SLC44A5: variants seen among roughly 807,000 people sequenced by gnomAD.
SLC44A5 encodes choline transporter-like protein 5.
Under a neutral mutation model 101.8 loss-of-function variants are expected in SLC44A5, and 57 were observed. The ratio of observed to expected loss-of-function variants is 0.56; its 90% CI spans 0.45 to 0.70. The LOEUF (loss-of-function observed/expected upper bound fraction) is 0.70. Among genes scored for constraint, SLC44A5 ranks in the 30% least tolerant of loss-of-function variants. SLC44A5 has a pLI of 0.00. For missense variants in SLC44A5, 737 were observed against 853.1 expected, an observed-to-expected ratio of 0.86 and a Z score of 1.70; for synonymous variants, 281 against 290.9, an observed-to-expected ratio of 0.97 and a Z score of 0.35.
intron 2 of SLC44A5, among the ~76,000 whole-genome samples, chr1:75,406,526 C>T (rs112371953): frequency 0.026 from 3,937 of 152,276 alleles, 147 homozygotes; most frequent in African/African-American, 0.08. Context: ...ATCAAGTCGG[C>T]TTTATCCCTG....
rs183335192 is a variant in SLC44A5, at chr1:75,236,242, C to T, written c.740+745G>A. On this transcript the variant is annotated intron_variant, in intron 11 of 23. Coordinates refer to ENST00000370859, the MANE Select transcript of SLC44A5 (RefSeq NM_001130058.2). ...CTAAATTGGGCTAGGTTTTAAAGGGCCTTAGAAGTAACTGAAAAAGTTTTA... is the reference window on the plus strand; with the variant it reads ...CTAAATTGGGCTAGGTTTTAAAGGGTCTTAGAAGTAACTGAAAAAGTTTTA... 2.8e-3 allele frequency among the ~76,000 whole-genome samples: 428 copies of T among 151,954 alleles called. 2 individuals are homozygous for T. Among genetic ancestry groups the T allele is most frequent in the African/African-American group, 9.4e-3 (391 of 41,500 alleles).
At chr1:75,528,257 G>T (rs1477494498) in intron 2 of SLC44A5, among the ~76,000 whole-genome samples, 1 of 151,952 alleles carries the variant, frequency 6.6e-6, no homozygotes, top group Non-Finnish European at 1.5e-5. Context: ...ATTTGAAAAA[G>T]AAACCAAAGT....
chr1:75,233,024 C>T (rs529943124), intron 12 of SLC44A5, among the ~76,000 whole-genome samples: 2 of 152,208 alleles, frequency 1.3e-5, no homozygotes, highest in Admixed American at 6.5e-5. Context: ...TAAATAGAAA[C>T]ATCTCAAACA....
chr1:75,210,605 C>T (rs1388855141), intron 23 of SLC44A5, among the ~76,000 whole-genome samples: 1 of 152,068 alleles, frequency 6.6e-6, no homozygotes, highest in Non-Finnish European at 1.5e-5. Context: ...TTTATAAATC[C>T]TCTCCTCAAA....
At chr1:75,679,303 G>A in the SLC44A5 span, among the ~76,000 whole-genome samples, 1 of 151,990 alleles carries the variant, frequency 6.6e-6, no homozygotes, top group African/African-American at 2.4e-5. Context: ...TCCAAGACAT[G>A]CAATTGTCAG....
intron 4 of SLC44A5, among the ~76,000 whole-genome samples, chr1:75,338,666 A>T (rs745324995): frequency 6.6e-6 from 1 of 152,218 alleles, no homozygotes; most frequent in Non-Finnish European, 1.5e-5. Flanking sequence ...CCTTTATTCT[A>T]AGTATACCTT....
chr1:75,425,305 T>C (rs137941143), intron 2 of SLC44A5, among the ~76,000 whole-genome samples: 1 of 152,348 alleles, frequency 6.6e-6, no homozygotes. Flanking sequence ...AAGCATTGGG[T>C]GGTTGATTAA....
chr1:75,553,536 C>G (rs931334978), intron 1 of SLC44A5, among the ~76,000 whole-genome samples: 1 of 152,140 alleles, frequency 6.6e-6, no homozygotes, highest in Admixed American at 6.6e-5. Flanking sequence ...CTGGGTTCCC[C>G]AGAATACCAA....
chr1:75,690,847 G>C, the SLC44A5 span, among the ~76,000 whole-genome samples: 2 of 152,154 alleles, frequency 1.3e-5, no homozygotes, highest in African/African-American at 4.8e-5. Context: ...AAAGCCATAG[G>C]CCAGTTGCAA....
chr1:75,283,439 C>T (rs1652783901), intron 5 of SLC44A5, among the ~76,000 whole-genome samples: 1 of 152,064 alleles, frequency 6.6e-6, no homozygotes, highest in African/African-American at 2.4e-5. Flanking sequence ...GTTTCTCCAA[C>T]TCTGTGTGTT....
the SLC44A5 span, among the ~76,000 whole-genome samples, chr1:75,636,496 A>G: frequency 6.6e-6 from 1 of 152,086 alleles, no homozygotes; most frequent in Non-Finnish European, 1.5e-5. Context: ...TAAACCCAAA[A>G]TCCTGATTTA....
chr1:75,722,249 T>C, the SLC44A5 span, among the ~76,000 whole-genome samples: 1 of 152,150 alleles, frequency 6.6e-6, no homozygotes, highest in Non-Finnish European at 1.5e-5. Context: ...GAGTCCTCAG[T>C]GTAAAAAGTG....
At chr1:75,536,736 G>A (rs936788403) in intron 2 of SLC44A5, among the ~76,000 whole-genome samples, 5 of 148,682 alleles carry the variant, frequency 3.4e-5, no homozygotes, top group African/African-American at 9.8e-5. Context: ...GCCGGGCGCG[G>A]TGGCTCACGC....
intron 6 of SLC44A5, among the ~76,000 whole-genome samples, chr1:75,253,795 C>A (rs1649779043): frequency 1.3e-5 from 2 of 152,098 alleles, no homozygotes; most frequent in African/African-American, 2.4e-5. Context: ...TTATATTATC[C>A]TCAAGGGTAA....
chr1:75,211,789 T>TCTTTC (rs1485395496), intron 22 of SLC44A5, among the ~76,000 whole-genome samples: 7 of 151,668 alleles, frequency 4.6e-5, no homozygotes, highest in Non-Finnish European at 1.0e-4. Context: ...GGTACTATTT[T>TCTTTC]CTTTCTTCCT....
chr1:75,464,147 G>GAACATCT (rs1666673493), intron 2 of SLC44A5, among the ~76,000 whole-genome samples: 1 of 149,534 alleles, frequency 6.7e-6, no homozygotes, highest in South Asian at 2.1e-4. Flanking sequence ...ACTTGAACCT[G>GAACATCT]GAAGGTGGAG....
At chr1:75,706,962 T>C in the SLC44A5 span, among the ~76,000 whole-genome samples, 6,708 of 152,278 alleles carry the variant, frequency 0.044, 202 homozygotes, top group African/African-American at 0.092. Flanking sequence ...AAATACCTTC[T>C]AAGACCCATT....
intron 6 of SLC44A5, among the ~76,000 whole-genome samples, chr1:75,272,250 C>T (rs1346967509): frequency 6.6e-6 from 1 of 150,878 alleles, no homozygotes; most frequent in African/African-American, 2.4e-5. Context: ...AATACTTTCT[C>T]CCACTCTTTG....
chr1:75,564,921 CTATTTT>C (rs1252769171), intron 1 of SLC44A5, among the ~76,000 whole-genome samples: 2 of 152,110 alleles, frequency 1.3e-5, no homozygotes, highest in South Asian at 2.1e-4. Flanking sequence ...TGCGCCCGGC[CTATTTT>C]TATTTTTATT....
Sources: allele counts gnomAD v4.1 joint callset (sites outside exome capture counted in the v4.1 genomes callset), GRCh38; gene constraint gnomAD v4.1.1; transcripts MANE v1.5; gene names NCBI Gene and HGNC (gene_info 2026-07-23, HGNC 2026-07-21).